ATP2B1: variants seen among roughly 807,000 people sequenced by gnomAD.
ATP2B1 encodes the protein plasma membrane calcium-transporting ATPase 1.
ATP2B1 carries 14 observed loss-of-function variants against 124.2 expected under a neutral mutation model. That is an observed-to-expected ratio of 0.11 (90% confidence interval 0.07 to 0.18). The LOEUF is 0.18. Ranked by LOEUF, ATP2B1 falls within the 10% of genes least tolerant of loss-of-function variation. The pLI, the probability that ATP2B1 is intolerant of heterozygous loss-of-function variation, is 1.00. For missense variants in ATP2B1, 763 were observed against 1,466.1 expected (o/e 0.52, Z 7.83); for synonymous variants, 449 against 492.4 (o/e 0.91, Z 1.17).
At chr12:89,708,240 G>A (rs1038116142) in intron 1 of ATP2B1, among the ~76,000 whole-genome samples, 1 of 152,140 alleles carries the variant, frequency 6.6e-6, no homozygotes, top group Non-Finnish European at 1.5e-5. Context: ...GGCGACCGGT[G>A]GCGGGATGGG....
chr12:89,665,547 A>C (rs566082321), intron 1 of ATP2B1, among the ~76,000 whole-genome samples: 3 of 152,210 alleles, frequency 2.0e-5, no homozygotes, highest in Admixed American at 6.5e-5. Context: ...TCAAAAAATA[A>C]AGTTAATTTT....
chr12:89,682,733 C>T (rs1889507344), intron 1 of ATP2B1, among the ~76,000 whole-genome samples: 1 of 152,110 alleles, frequency 6.6e-6, no homozygotes, highest in Non-Finnish European at 1.5e-5. Flanking sequence ...AATGAAACTA[C>T]ACAAGAATTA....
intron 12 of ATP2B1, among the ~76,000 whole-genome samples, chr12:89,615,366 A>C (rs1054768812): frequency 1.3e-5 from 2 of 152,080 alleles, no homozygotes; most frequent in African/African-American, 4.8e-5. Flanking sequence ...CCTGCCACCC[A>C]GAATATCTTA....
chr12:89,603,318 C>A lies in ATP2B1; in HGVS notation c.2849-64G>T. 1 of 1,307,030 alleles carries A rather than the reference C, an allele frequency of 7.7e-7. No homozygotes were observed. Among genetic ancestry groups the A allele is most frequent in the Non-Finnish European group, 1.0e-6 (1 of 961,274 alleles). The allele number at this position is 1,307,030 out of a possible 1,614,324, so 81.0% of individuals were successfully genotyped here. On this transcript the variant is annotated intron_variant, in intron 17 of 20. Coordinates refer to ENST00000428670, the MANE Select transcript of ATP2B1 (RefSeq NM_001366521.1). This position sits in a 1 kb window ranked among gnomAD's most constrained non-coding sequence, Gnocchi z 4.3. ...CCAAATTAGATTTCAAGGAGGTATACAAATTACAACTTAGCTAGACCTTTT... is the reference window on the plus strand; with the variant it reads ...CCAAATTAGATTTCAAGGAGGTATAAAAATTACAACTTAGCTAGACCTTTT...
intron 1 of ATP2B1, among the ~76,000 whole-genome samples, chr12:89,656,767 C>A (rs1360884154): frequency 6.6e-6 from 1 of 152,104 alleles, no homozygotes; most frequent in African/African-American, 2.4e-5. Flanking sequence ...CTTCCTTTGA[C>A]CCCCTATCTA....
At chr12:89,605,441 C>G (rs553790613) in intron 15 of ATP2B1, among the ~76,000 whole-genome samples, 74 of 152,064 alleles carry the variant, frequency 4.9e-4, no homozygotes, top group Non-Finnish European at 9.3e-4. Flanking sequence ...GTGAGTTTGA[C>G]CCCCTCTTGC....
intron 1 of ATP2B1, among the ~76,000 whole-genome samples, chr12:89,706,957 G>A (rs575564143): frequency 2.0e-5 from 3 of 152,050 alleles, no homozygotes; most frequent in South Asian, 2.1e-4. Flanking sequence ...AAACTAAAAC[G>A]TCCTCCTGAA....
At chr12:89,606,674 C>A (rs544115227) in intron 15 of ATP2B1, among the ~76,000 whole-genome samples, 38 of 150,126 alleles carry the variant, frequency 2.5e-4, no homozygotes, top group African/African-American at 9.1e-4. Flanking sequence ...TCCGGGTTCA[C>A]GCCATTCTCC....
intron 1 of ATP2B1, among the ~76,000 whole-genome samples, chr12:89,656,717 C>T (rs145841528): frequency 6.6e-6 from 1 of 152,302 alleles, no homozygotes; most frequent in African/African-American, 2.4e-5. Context: ...CCGGCAAAAA[C>T]TATACTCTAT....
chr12:89,662,505 C>G (rs1341346629), intron 1 of ATP2B1, among the ~76,000 whole-genome samples: 1 of 152,114 alleles, frequency 6.6e-6, no homozygotes, highest in African/African-American at 2.4e-5. Flanking sequence ...TAAATTTACT[C>G]AAGTCACATT....
chr12:89,672,359 T>C (rs953011716), intron 1 of ATP2B1, among the ~76,000 whole-genome samples: 1 of 150,570 alleles, frequency 6.6e-6, no homozygotes, highest in South Asian at 2.1e-4. Flanking sequence ...GAGGCTGAGG[T>C]AGAAGGATTG....
intron 1 of ATP2B1, among the ~76,000 whole-genome samples, chr12:89,681,464 T>C (rs1490695256): frequency 2.0e-5 from 3 of 149,654 alleles, no homozygotes; most frequent in Admixed American, 6.7e-5. Context: ...CACTGCAACC[T>C]CCGCCTCCCA....
intron 1 of ATP2B1, among the ~76,000 whole-genome samples, chr12:89,697,025 TAAG>T (rs1444818615): frequency 3.4e-5 from 5 of 145,340 alleles, no homozygotes; most frequent in African/African-American, 5.1e-5. Context: ...TAACATCTCT[TAAG>T]AAATGACTGC....
At chr12:89,615,009 T>C (rs1878719635) in intron 12 of ATP2B1, among the ~76,000 whole-genome samples, 1 of 152,182 alleles carries the variant, frequency 6.6e-6, no homozygotes, top group Non-Finnish European at 1.5e-5. Context: ...CTTCCCAGCC[T>C]GAATTTCAGA....
At chr12:89,660,143 A>G (rs1392478021) in intron 1 of ATP2B1, among the ~76,000 whole-genome samples, 1 of 152,156 alleles carries the variant, frequency 6.6e-6, no homozygotes, top group Non-Finnish European at 1.5e-5. Context: ...ATTAGATAGA[A>G]AAGGACCAAT....
intron 20 of ATP2B1, chr12:89,594,036 T>C (rs945605663): frequency 6.6e-6 from 1 of 152,024 alleles, no homozygotes; most frequent in Non-Finnish European, 1.5e-5. Flanking sequence ...ATGCTTCCTT[T>C]GTCTGACACA....
intron 6 of ATP2B1, 101 bp downstream of exon 6, chr12:89,630,404 G>T: frequency 9.0e-7 from 1 of 1,107,986 alleles, no homozygotes; most frequent in Non-Finnish European, 1.2e-6. Context: ...TTAACTTTTT[G>T]TAGAATTTTT....
chr12:89,627,652 C>T, intron 7 of ATP2B1, 26 bp downstream of exon 7: 7 of 1,610,872 alleles, frequency 4.3e-6, no homozygotes, highest in Non-Finnish European at 5.9e-6. Context: ...AACAAGCTCA[C>T]TGTACTTTTG....
rs1384944375 is a variant in ATP2B1 at position 89,611,342 on chromosome 12, C to A, written c.2098G>T (p.Ala700Ser). ...VPDAIKKCQRAGITVRMVTGD... is the reference protein window; with the variant it reads ...VPDAIKKCQRSGITVRMVTGD... ...GTGACCATCCGCACAGTAATTCCAG[C>A]CCTCTGACACTTTTTAATTGCATCT... Residue 700 changes from alanine (A) to serine (S), a missense_variant, in exon 13 of 21, where the codon GCT becomes TCT. Coordinates refer to ENST00000428670, the MANE Select transcript of ATP2B1 (RefSeq NM_001366521.1). The A allele has an allele frequency of 1.3e-6, 2 of 1,535,428 alleles. No homozygotes were observed. Among genetic ancestry groups the A allele is most frequent in the African/African-American group, 1.4e-5 (1 of 70,950 alleles).
Sources: gnomAD v4.1 joint callset for allele counts (sites outside exome capture counted in the v4.1 genomes callset) on GRCh38, gnomAD v4.1.1 for gene constraint, Gnocchi (gnomAD v3.1) non-coding constraint, MANE v1.5 for transcripts, NCBI Gene and HGNC (gene_info 2026-07-23, HGNC 2026-07-21) for gene names.